Variants in LNPK observed in about 807,000 individuals in gnomAD.
LNPK encodes endoplasmic reticulum junction formation protein lunapark.
LNPK carries 29 observed loss-of-function variants against 55.2 expected under a neutral mutation model. The ratio of observed to expected loss-of-function variants is 0.53; its 90% CI spans 0.39 to 0.72. LNPK has a LOEUF of 0.72. Among genes scored for constraint, LNPK ranks in the 30% least tolerant of loss-of-function variants. LNPK has a pLI of 0.00. For synonymous variants in LNPK, 162 were observed against 168.2 expected (o/e 0.96, Z 0.29); for missense variants, 467 against 494.8 (o/e 0.94, Z 0.53).
chr2:175,967,631 T>C (rs1686435082), intron 6 of LNPK: 3 of 984,544 alleles, frequency 3.0e-6, no homozygotes, highest in Non-Finnish European at 3.6e-6. Flanking sequence ...CCATATAAAC[T>C]CATCCTTTTA....
At position 175,942,797 on chromosome 2, in the gene LNPK, G is replaced by A. The variant is rs558400870; in HGVS notation, c.707-3140C>T. Among the ~76,000 whole-genome samples the A allele has an allele frequency of 7.8e-4, 117 of 150,858 alleles. 1 individual carries two copies. The Middle Eastern group carries it at 0.017, about 22-fold the overall frequency. ...AAAAGAAGAGCAAATGAAACCCAAA[G>A]TACAGAATAAAAGAAATAATAAAGA... On this transcript the variant is annotated intron_variant, in intron 9 of 12. Coordinates refer to ENST00000272748, the MANE Select transcript of LNPK (RefSeq NM_030650.3).
chr2:175,977,028 G>A (rs1435389823), intron 5 of LNPK, among the ~76,000 whole-genome samples: 1 of 152,202 alleles, frequency 6.6e-6, no homozygotes, highest in Non-Finnish European at 1.5e-5. Context: ...ACATGAGGGA[G>A]TGGGAATAAA....
chr2:175,945,656 C>A (rs552794184), intron 9 of LNPK, among the ~76,000 whole-genome samples: 2 of 152,040 alleles, frequency 1.3e-5, no homozygotes, highest in East Asian at 3.9e-4. Flanking sequence ...ATAAGCAAGC[C>A]AAATTAGATT....
intron 8 of LNPK, among the ~76,000 whole-genome samples, chr2:175,954,549 TAGTTG>T (rs1295877058): frequency 6.6e-6 from 1 of 152,184 alleles, no homozygotes; most frequent in Non-Finnish European, 1.5e-5. Flanking sequence ...TGCCAGCCTT[TAGTTG>T]AGTTTGTTCT....
chr2:175,924,275 T>C lies in LNPK; in HGVS notation c.*5692A>G, dbSNP rs1426873477. On this transcript the variant is annotated 3_prime_UTR_variant, in exon 13 of 13. Coordinates refer to ENST00000272748, the MANE Select transcript of LNPK (RefSeq NM_030650.3). ...GCTAGTCTCCATGACCATTTCAAAA[T>C]AGCTATTCATAATTCACAAAATGCC... is the stretch of plus-strand genomic sequence containing the variant. The C allele has an allele frequency of 1.3e-5, 2 of 152,236 alleles. No homozygotes were observed. The highest frequency in any genetic ancestry group is 4.8e-5 in the African/African-American group (2 of 41,466). 9.4% of individuals were successfully genotyped at this position (152,236 alleles called of 1,614,324 possible).
intron 9 of LNPK, among the ~76,000 whole-genome samples, chr2:175,944,638 A>G (rs1685033102): frequency 6.6e-6 from 1 of 152,104 alleles, no homozygotes; most frequent in African/African-American, 2.4e-5. Context: ...TTCATAGAAG[A>G]CTCTGAAACA....
At position 175,995,541 on chromosome 2, in the gene LNPK, A is replaced by G; in HGVS notation, c.27+17T>C. 6.3e-7 allele frequency: 1 copy of G among 1,596,362 alleles called. No individual in the cohort carries two copies. Among genetic ancestry groups the G allele is most frequent in the Non-Finnish European group, 8.6e-7 (1 of 1,168,928 alleles). On this transcript the variant is annotated intron_variant, in intron 2 of 12. Transcript: ENST00000272748. The stretch of plus-strand genomic sequence containing the variant: ...TATATTAGACTCAAGAACTAGCTGT[A>G]AAGAAAAGTACCTTACCCTCCATCG...
intron 9 of LNPK, among the ~76,000 whole-genome samples, chr2:175,946,832 T>A (rs1224872877): frequency 1.3e-5 from 2 of 152,180 alleles, no homozygotes; most frequent in African/African-American, 2.4e-5. Context: ...TGGACTTCCA[T>A]GCCCCAGTCA....
intron 5 of LNPK, among the ~76,000 whole-genome samples, chr2:175,978,229 T>C (rs1687002120): frequency 6.6e-6 from 1 of 152,150 alleles, no homozygotes; most frequent in African/African-American, 2.4e-5. Flanking sequence ...TTATATAGTA[T>C]TACATTGCAT....
chr2:175,979,903 T>C, intron 4 of LNPK, 35 bp from the exon 5 acceptor site: 1 of 1,532,906 alleles, frequency 6.5e-7, no homozygotes, highest in South Asian at 1.3e-5. Context: ...ACAAAAAACA[T>C]CATTAGAAAA....
chr2:175,959,699 T>A (rs907969286), intron 8 of LNPK, among the ~76,000 whole-genome samples: 1 of 152,138 alleles, frequency 6.6e-6, no homozygotes, highest in Non-Finnish European at 1.5e-5. Flanking sequence ...AGGATCAAAT[T>A]CACATATAAC....
At position 175,923,915 on chromosome 2, in the gene LNPK, T is replaced by C. The variant is rs547349626; in HGVS notation, c.*6052A>G. ...TCATTCTGTACTCAATTTTTATTCTTGTTTGTATTCTAACAAATGTACTTT... is the reference window on the plus strand; with the variant it reads ...TCATTCTGTACTCAATTTTTATTCTCGTTTGTATTCTAACAAATGTACTTT... On this transcript the variant is annotated 3_prime_UTR_variant, in exon 13 of 13. Coordinates refer to ENST00000272748, the MANE Select transcript of LNPK (RefSeq NM_030650.3). 7.4e-4 allele frequency: 112 copies of C among 152,356 alleles called. No homozygotes were observed. Among genetic ancestry groups the C allele is most frequent in the African/African-American group, 2.4e-3 (100 of 41,600 alleles). 9.4% of individuals were successfully genotyped at this position (152,356 alleles called of 1,614,324 possible). A position where few individuals can be genotyped will look rare whatever the true frequency, so the allele number is the denominator to read the frequency against.
intron 5 of LNPK, among the ~76,000 whole-genome samples, chr2:175,978,918 A>G (rs1429764257): frequency 6.6e-6 from 1 of 152,132 alleles, no homozygotes; most frequent in Non-Finnish European, 1.5e-5. Context: ...TATAGGATCT[A>G]ATGTGAGCAG....
rs369993918 is a variant in LNPK, at chr2:175,938,387, C to T, written c.813-4G>A. 1.0e-4 allele frequency: 164 copies of T among 1,562,658 alleles called. No homozygotes were observed. The highest frequency in any genetic ancestry group is 1.3e-4 in the Non-Finnish European group (147 of 1,144,168). On this transcript the variant is annotated splice_region_variant and splice_polypyrimidine_tract_variant and intron_variant, in intron 10 of 12. Coordinates refer to ENST00000272748, the MANE Select transcript of LNPK (RefSeq NM_030650.3). Reference sequence around the variant, plus strand: ...CTGCTGACATATAAGTGCATACCTACACCGTAAGGAAAAATGAACAGACCA... The same window carrying T: ...CTGCTGACATATAAGTGCATACCTATACCGTAAGGAAAAATGAACAGACCA...
At chr2:175,953,541 C>A (rs1347444150) in intron 8 of LNPK, among the ~76,000 whole-genome samples, 1 of 151,980 alleles carries the variant, frequency 6.6e-6, no homozygotes, top group Non-Finnish European at 1.5e-5. Flanking sequence ...AAACGTAGGT[C>A]ACATCTTGAT....
At chr2:175,975,013 T>A (rs548842919) in intron 5 of LNPK, among the ~76,000 whole-genome samples, 31 of 143,002 alleles carry the variant, frequency 2.2e-4, no homozygotes, top group East Asian at 9.8e-4. Flanking sequence ...GTTTCTTATT[T>A]TTTTTTTTTT....
intron 5 of LNPK, among the ~76,000 whole-genome samples, chr2:175,975,123 C>T (rs1055572506): frequency 1.3e-4 from 19 of 151,396 alleles, no homozygotes; most frequent in African/African-American, 4.1e-4. Flanking sequence ...TCACCAAAAA[C>T]AGTATCAGAA....
intron 10 of LNPK, 79 bp from the exon 11 acceptor site, chr2:175,938,462 G>C (rs1684658331): frequency 1.5e-6 from 1 of 665,438 alleles, no homozygotes; most frequent in Admixed American, 2.7e-5. Context: ...AGCCATCATG[G>C]CTAATTTATA....
intron 9 of LNPK, among the ~76,000 whole-genome samples, chr2:175,941,852 A>AC (rs1684865547): frequency 1.2e-5 from 1 of 80,688 alleles, no homozygotes. Context: ...AAAAAAAAAC[A>AC]AAAAAAAAAT....
Sources: gnomAD v4.1 joint callset for allele counts (sites outside exome capture counted in the v4.1 genomes callset) on GRCh38, gnomAD v4.1.1 for gene constraint, MANE v1.5 for transcripts, NCBI Gene and HGNC (gene_info 2026-07-23, HGNC 2026-07-21) for gene names.